The following PKIG variants were observed in gnomAD, a reference collection of about 807,000 sequenced individuals.
PKIG encodes the protein cAMP-dependent protein kinase inhibitor gamma.
In PKIG, 1 loss-of-function variant was observed where a neutral mutation model predicts 6.8. That is an observed-to-expected ratio of 0.15 (90% CI 0.05 to 0.69). PKIG has a LOEUF of 0.69. Among genes scored for constraint, PKIG ranks in the 30% least tolerant of loss-of-function variants. The probability of loss-of-function intolerance (pLI) is 0.82; values close to 1 mark genes in which losing one functional copy is unlikely to be tolerated. For synonymous variants in PKIG, 39 were observed against 43.0 expected (o/e 0.91, Z 0.36); for missense variants, 77 against 104.0 (o/e 0.74, Z 1.13).
intron 2 of PKIG, among the ~76,000 whole-genome samples, chr20:44,612,268 G>A (rs753313420): frequency 8.5e-5 from 13 of 152,088 alleles, no homozygotes; most frequent in Non-Finnish European, 1.8e-4. Flanking sequence ...TAACCTCCTG[G>A]TGGACATTTG....
At chr20:44,615,997 G>A (rs2123485152) in intron 3 of PKIG, among the ~76,000 whole-genome samples, 1 of 152,248 alleles carries the variant, frequency 6.6e-6, no homozygotes, top group South Asian at 2.1e-4. Context: ...TCTGTCACGT[G>A]GCCCAGGCAG....
intron 3 of PKIG, among the ~76,000 whole-genome samples, chr20:44,616,476 C>T (rs1045619707): frequency 2.6e-5 from 4 of 152,208 alleles, no homozygotes; most frequent in African/African-American, 7.2e-5. Context: ...TGTGTCCTCA[C>T]CCTCAGCTCT....
chr20:44,588,385 T>C (rs1233906588), intron 1 of PKIG, among the ~76,000 whole-genome samples: 7 of 151,926 alleles, frequency 4.6e-5, no homozygotes, highest in Middle Eastern at 6.8e-3. Flanking sequence ...CTCATGCCTG[T>C]AATCCCAACA....
chr20:44,539,442 G>A (rs924930211), intron 1 of PKIG, among the ~76,000 whole-genome samples: 4 of 148,730 alleles, frequency 2.7e-5, no homozygotes, highest in African/African-American at 5.0e-5. Context: ...TTTTTTGAAC[G>A]AAGTTTTGCT....
chr20:44,564,220 G>C (rs1477320451), intron 1 of PKIG: 1 of 152,120 alleles, frequency 6.6e-6, no homozygotes, highest in African/African-American at 2.4e-5. Context: ...GTGGAGAAGG[G>C]GGCTCTGGTA....
chr20:44,590,154 ACTTAAG>A (rs1390599188), intron 2 of PKIG, among the ~76,000 whole-genome samples: 1 of 152,044 alleles, frequency 6.6e-6, no homozygotes, highest in Admixed American at 6.5e-5. Flanking sequence ...CCGGCCATGT[ACTTAAG>A]CTTAAGCAGG....
At chr20:44,547,074 A>T (rs1371468467) in intron 1 of PKIG, among the ~76,000 whole-genome samples, 2 of 152,046 alleles carry the variant, frequency 1.3e-5, no homozygotes, top group Non-Finnish European at 2.9e-5. Flanking sequence ...CCTTCCTTGG[A>T]CCTCTGTACA....
At chr20:44,548,985 G>A (rs1480018676) in intron 1 of PKIG, among the ~76,000 whole-genome samples, 2 of 152,026 alleles carry the variant, frequency 1.3e-5, no homozygotes, top group African/African-American at 4.8e-5. Context: ...TTTCTGCAGT[G>A]TTTGTTTGGA....
At chr20:44,563,433 GGTT>G (rs778969018) in intron 1 of PKIG, among the ~76,000 whole-genome samples, 2 of 151,948 alleles carry the variant, frequency 1.3e-5, no homozygotes, top group Non-Finnish European at 2.9e-5. Context: ...CAACAAGGAT[GGTT>G]TGTTTCTGTT....
intron 3 of PKIG, among the ~76,000 whole-genome samples, chr20:44,617,827 C>T (rs967900923): frequency 1.3e-5 from 2 of 151,946 alleles, no homozygotes; most frequent in African/African-American, 4.8e-5. Context: ...GGCAGATCAC[C>T]TGAGGTCAGG....
At chr20:44,558,574 TTTTCTTTCTTTCTTTCTTTC>T (rs11377687) in intron 1 of PKIG, among the ~76,000 whole-genome samples, 2 of 131,900 alleles carry the variant, frequency 1.5e-5, no homozygotes, top group South Asian at 2.5e-4. Context: ...TTTTTTTCTT[TTTTCTTTCTTTCTTTCTTTC>T]TTTCTTTCTT....
chr20:44,616,224 C>T (rs1370116074), intron 3 of PKIG, among the ~76,000 whole-genome samples: 1 of 152,166 alleles, frequency 6.6e-6, no homozygotes, highest in Non-Finnish European at 1.5e-5. Context: ...GACCGCAGTA[C>T]CCCTCCCAGA....
intron 1 of PKIG, among the ~76,000 whole-genome samples, chr20:44,541,424 G>T (rs2064560772): frequency 6.6e-6 from 1 of 152,062 alleles, no homozygotes; most frequent in Admixed American, 6.6e-5. Flanking sequence ...GAGTAGCTGG[G>T]ACTACAGGTG....
chr20:44,607,345 ATGTG>A lies in PKIG; in HGVS notation c.-23-7177_-23-7174del, dbSNP rs1169280988. Among the ~76,000 whole-genome samples the A allele has an allele frequency of 1.9e-4, 26 of 136,426 alleles. No homozygotes were observed. In the East Asian group the frequency reaches 4.8e-3, roughly 25 times the overall value. 89.5% of individuals were successfully genotyped at this position (136,426 alleles called of 152,430 possible). A position where few individuals can be genotyped will look rare whatever the true frequency, so the allele number is the denominator to read the frequency against. Reference sequence around the variant, plus strand: ...TGTGTGTGTGTGTTTGTGTGTGTATATGTGTGTGTGTGTGTATATATATATATAT... The same window carrying A: ...TGTGTGTGTGTGTTTGTGTGTGTATATGTGTGTGTGTATATATATATATAT... On this transcript the variant is annotated intron_variant, in intron 2 of 3. Coordinates refer to ENST00000372886, the MANE Select transcript of PKIG (RefSeq NM_001281445.2).
intron 1 of PKIG, among the ~76,000 whole-genome samples, chr20:44,569,670 G>A (rs1457443642): frequency 5.3e-5 from 8 of 152,004 alleles, no homozygotes; most frequent in African/African-American, 1.7e-4. Context: ...GCAGTGGCGC[G>A]ATCTCGGCTC....
At chr20:44,544,891 CT>C (rs1220781803) in intron 1 of PKIG, among the ~76,000 whole-genome samples, 1 of 96,474 alleles carries the variant, frequency 1.0e-5, no homozygotes, top group Non-Finnish European at 2.2e-5. Context: ...TCTTTCTTTT[CT>C]TTTCTTTTCT....
intron 2 of PKIG, among the ~76,000 whole-genome samples, chr20:44,601,344 C>G (rs1407477504): frequency 6.6e-6 from 1 of 152,282 alleles, no homozygotes; most frequent in Non-Finnish European, 1.5e-5. Context: ...GCAACAGGCA[C>G]TGCCCAGGCA....
At chr20:44,592,345 G>C (rs2065040597) in intron 2 of PKIG, among the ~76,000 whole-genome samples, 1 of 152,168 alleles carries the variant, frequency 6.6e-6, no homozygotes, top group Admixed American at 6.5e-5. Flanking sequence ...AGGACACAGA[G>C]GAATCAAGGG....
intron 1 of PKIG, among the ~76,000 whole-genome samples, chr20:44,533,853 A>G (rs2064489334): frequency 6.6e-6 from 1 of 152,236 alleles, no homozygotes; most frequent in South Asian, 2.1e-4. Flanking sequence ...GCCTTTGTAG[A>G]TGTTGCTGAG....
Sources: allele counts gnomAD v4.1 joint callset (sites outside exome capture counted in the v4.1 genomes callset), GRCh38; gene constraint gnomAD v4.1.1; transcripts MANE v1.5; gene names NCBI Gene and HGNC (gene_info 2026-07-23, HGNC 2026-07-21).